Variants in TMPRSS11A observed in about 807,000 individuals in gnomAD.
TMPRSS11A encodes the protein transmembrane serine protease 11A.
In TMPRSS11A, 53 loss-of-function variants were observed where a neutral mutation model predicts 58.9. The ratio of observed to expected loss-of-function variants is 0.90; its 90% confidence interval spans 0.72 to 1.13. The LOEUF (loss-of-function observed/expected upper bound fraction) is 1.13. TMPRSS11A is among the 50% of genes most tolerant of loss of function. TMPRSS11A has a pLI of 0.00. For synonymous variants in TMPRSS11A, 167 were observed against 169.8 expected, an observed-to-expected ratio of 0.98 and a Z score of 0.13; for missense variants, 493 against 499.3, an observed-to-expected ratio of 0.99 and a Z score of 0.12.
intron 1 of TMPRSS11A, among the ~76,000 whole-genome samples, chr4:67,957,212 C>G (rs1459951822): frequency 1.3e-5 from 2 of 152,070 alleles, no homozygotes; most frequent in South Asian, 2.1e-4. Context: ...GAGTGGGGTG[C>G]CACTGAAAAG....
At chr4:67,923,579 T>C (rs1720389492) in intron 6 of TMPRSS11A, among the ~76,000 whole-genome samples, 2 of 152,194 alleles carry the variant, frequency 1.3e-5, no homozygotes, top group African/African-American at 4.8e-5. Context: ...CAATCTTGGC[T>C]CACTGCAACC....
chr4:67,957,150 T>C (rs1161993440), intron 1 of TMPRSS11A, among the ~76,000 whole-genome samples: 2 of 152,228 alleles, frequency 1.3e-5, no homozygotes, highest in Non-Finnish European at 2.9e-5. Flanking sequence ...GTCTCAGGTA[T>C]GTCTTTATCA....
chr4:67,948,986 T>C (rs992290301), intron 1 of TMPRSS11A, among the ~76,000 whole-genome samples: 9 of 152,238 alleles, frequency 5.9e-5, no homozygotes, highest in Non-Finnish European at 1.2e-4. Flanking sequence ...ATTTATCATT[T>C]ATGTATTAAT....
At chr4:67,920,550 T>TATATATATATATATATA (rs374550125) in intron 7 of TMPRSS11A, among the ~76,000 whole-genome samples, 166 of 58,490 alleles carry the variant, frequency 2.8e-3, no homozygotes, top group East Asian at 9.3e-3. Context: ...TATATATATA[T>TATATATATATATATATA]TTTTTTTTAT....
chr4:67,918,761 A>ACC (rs1720227193), intron 8 of TMPRSS11A, among the ~76,000 whole-genome samples: 6 of 152,192 alleles, frequency 3.9e-5, no homozygotes, highest in African/African-American at 1.4e-4. Context: ...TTGACTTCCA[A>ACC]ATTACATGAG....
At chr4:67,950,920 G>T (rs529084831) in intron 1 of TMPRSS11A, among the ~76,000 whole-genome samples, 24 of 152,322 alleles carry the variant, frequency 1.6e-4, no homozygotes, top group Admixed American at 1.4e-3. Context: ...GGGATGTAAA[G>T]GTGGCCAAGA....
rs527571618 is a variant in TMPRSS11A at position 67,936,532 on chromosome 4, G to A, written c.253-4472C>T. 1.8e-4 allele frequency among the ~76,000 whole-genome samples: 28 copies of A among 152,180 alleles called. No homozygotes were observed. The South Asian group carries it at 5.8e-3, about 32-fold the overall frequency. On this transcript the variant is annotated intron_variant, in intron 3 of 9. Coordinates refer to ENST00000508048, the MANE Select transcript of TMPRSS11A (RefSeq NM_001114387.2). Reference sequence around the variant, plus strand: ...ATCCAGTGTCATACAAGGTGTGTGGGTGTGGAGGGTGCCATGAAACTGTGA... The same window carrying A: ...ATCCAGTGTCATACAAGGTGTGTGGATGTGGAGGGTGCCATGAAACTGTGA...
intron 1 of TMPRSS11A, among the ~76,000 whole-genome samples, chr4:67,947,400 G>C (rs1359901027): frequency 6.6e-5 from 10 of 151,980 alleles, no homozygotes; most frequent in Admixed American, 6.6e-4. Flanking sequence ...TTCTTTTTTA[G>C]TTTTTAATGA....
chr4:67,945,686 G>A (rs1720986223), intron 2 of TMPRSS11A, among the ~76,000 whole-genome samples: 1 of 152,172 alleles, frequency 6.6e-6, no homozygotes, highest in Non-Finnish European at 1.5e-5. Context: ...CTGTGAAGGT[G>A]ACAGCAGATA....
intron 7 of TMPRSS11A, among the ~76,000 whole-genome samples, chr4:67,920,527 TTA>T (rs1180319358): frequency 0.032 from 4,275 of 132,690 alleles, 197 homozygotes; most frequent in African/African-American, 0.099. Flanking sequence ...AATGAGGTAA[TTA>T]TATATATATA....
intron 6 of TMPRSS11A, among the ~76,000 whole-genome samples, chr4:67,923,483 G>A (rs1040397295): frequency 6.6e-6 from 1 of 152,114 alleles, no homozygotes; most frequent in Non-Finnish European, 1.5e-5. Context: ...CACTGTTAGC[G>A]ATTAAGATGA....
rs1178054895 is a variant in TMPRSS11A at position 67,932,055 on chromosome 4, A to G, written c.258T>C (p.Asp86=). The G allele has an allele frequency of 1.3e-6, 2 of 1,549,006 alleles. No individual in the cohort carries two copies. Among genetic ancestry groups the G allele is most frequent in the Admixed American group, 3.3e-5 (2 of 59,866 alleles). ...TCCAGGCTGAATCTATAAATATCTC[A>G]TCCACCTGTTACACAACAAGAGAGA... ...DLRETTENLV[D]EIFIDSAWKK... Residue 86 remains aspartate (D), a synonymous_variant, in exon 4 of 10, where the codon GAT becomes GAC. Transcript: ENST00000508048.
intron 7 of TMPRSS11A, among the ~76,000 whole-genome samples, chr4:67,922,074 C>T (rs1720345273): frequency 6.6e-6 from 1 of 152,188 alleles, no homozygotes; most frequent in South Asian, 2.1e-4. Context: ...TGCTATTCTT[C>T]ACTTCAGCTT....
chr4:67,919,518 A>G (rs945966471), intron 7 of TMPRSS11A, among the ~76,000 whole-genome samples: 1 of 152,236 alleles, frequency 6.6e-6, no homozygotes, highest in Non-Finnish European at 1.5e-5. Flanking sequence ...TTTACTGAGC[A>G]TCTGTGTGCT....
chr4:67,924,239 A>G, intron 5 of TMPRSS11A, 73 bp from the exon 6 acceptor site: 1 of 1,245,480 alleles, frequency 8.0e-7, no homozygotes, highest in Non-Finnish European at 1.2e-6. Flanking sequence ...AGGAATAATC[A>G]GAGGATACTG....
intron 8 of TMPRSS11A, among the ~76,000 whole-genome samples, chr4:67,918,235 T>C (rs1380766328): frequency 6.6e-6 from 1 of 152,224 alleles, no homozygotes; most frequent in African/African-American, 2.4e-5. Context: ...CATATGTACC[T>C]GGACCACATG....
chr4:67,924,189 T>C (rs1238122191), intron 5 of TMPRSS11A, 23 bp from the exon 6 acceptor site: 1 of 1,607,826 alleles, frequency 6.2e-7, no homozygotes, highest in Admixed American at 1.7e-5. Context: ...ATAAAACAAA[T>C]AGTGATAATT....
intron 7 of TMPRSS11A, among the ~76,000 whole-genome samples, chr4:67,920,745 C>T (rs1021584010): frequency 6.6e-6 from 1 of 151,568 alleles, no homozygotes; most frequent in African/African-American, 2.4e-5. Flanking sequence ...AGCCTAGTAC[C>T]CATTAGTTAT....
At chr4:67,952,414 G>T (rs1013107886) in intron 1 of TMPRSS11A, among the ~76,000 whole-genome samples, 1 of 152,172 alleles carries the variant, frequency 6.6e-6, no homozygotes, top group East Asian at 1.9e-4. Context: ...TAAGTGAAAG[G>T]ATTTATAGAA....
Sources: allele counts gnomAD v4.1 joint callset (sites outside exome capture counted in the v4.1 genomes callset), GRCh38; gene constraint gnomAD v4.1.1; transcripts MANE v1.5; gene names NCBI Gene and HGNC (gene_info 2026-07-23, HGNC 2026-07-21).